Variants in NEK2 observed in about 807,000 individuals in gnomAD.
NEK2 encodes the protein serine/threonine-protein kinase Nek2.
Under a neutral mutation model 54.1 loss-of-function variants are expected in NEK2, and 28 were observed. The observed-to-expected ratio is 0.52, with a 90% CI of 0.38 to 0.71. The LOEUF (loss-of-function observed/expected upper bound fraction) is 0.71. Ranked by LOEUF, NEK2 falls within the 30% of genes least tolerant of loss-of-function variation. NEK2 has a pLI of 0.00. For missense variants in NEK2, 407 were observed against 531.5 expected, an observed-to-expected ratio of 0.77 and a Z score of 2.30; for synonymous variants, 176 against 193.1, an observed-to-expected ratio of 0.91 and a Z score of 0.73.
intron 5 of NEK2, among the ~76,000 whole-genome samples, chr1:211,669,872 C>T (rs901193534): frequency 1.6e-4 from 25 of 152,282 alleles, no homozygotes; most frequent in African/African-American, 4.6e-4. Context: ...GTCCTCCGTC[C>T]GCCCTCCATC....
chr1:211,672,027 C>T (rs1387603118), intron 3 of NEK2, among the ~76,000 whole-genome samples: 1 of 152,214 alleles, frequency 6.6e-6, no homozygotes, highest in African/African-American at 2.4e-5. Context: ...GAATTTGATA[C>T]AGTGAGAAAA....
chr1:211,675,325 C>T, intron 1 of NEK2, 59 bp downstream of exon 1: 4 of 1,513,702 alleles, frequency 2.6e-6, no homozygotes, highest in Non-Finnish European at 3.7e-6. Context: ...GCGCAGGGCG[C>T]TCGCCCCGAG....
downstream of NEK2, chr1:211,660,607 G>T: frequency 1.6e-6 from 1 of 642,088 alleles, no homozygotes; most frequent in South Asian, 1.4e-5. Flanking sequence ...ATCAATGCCT[G>T]CCATATGCAT....
downstream of NEK2, chr1:211,660,185 TA>T: frequency 3.4e-6 from 1 of 293,034 alleles, no homozygotes; most frequent in Non-Finnish European, 6.9e-6. Flanking sequence ...TTGCAGTCTC[TA>T]GGTCACTTTT....
At chr1:211,668,666 T>C (rs1294627010) in intron 6 of NEK2, among the ~76,000 whole-genome samples, 1 of 152,056 alleles carries the variant, frequency 6.6e-6, no homozygotes, top group Admixed American at 6.6e-5. Context: ...CCTGAACATA[T>C]CTCATCTACA....
Position 211,667,166 on chromosome 1 carries a change from G to C in NEK2, c.1051C>G (p.Leu351Val), listed in dbSNP as rs774266098. 1.8e-5 allele frequency: 29 copies of C among 1,613,522 alleles called. No individual in the cohort carries two copies. The Admixed American group carries it at 4.2e-4, about 23-fold the overall frequency. The change falls in exon 7 of 8, where the codon CTG becomes GTG. Residue 351 changes from leucine (L) to valine (V), a missense_variant. Physicochemically the swap from Leu to Val is conservative, Grantham distance 32. Transcript: ENST00000366999. ...TTTAGCAAGCTGTAGTTCTTCAACAGATTTTCTGCTCTAGCCAGTTTGTCC... is the reference window on the plus strand; with the variant it reads ...TTTAGCAAGCTGTAGTTCTTCAACACATTTTCTGCTCTAGCCAGTTTGTCC... ...AEDKLARAEN[L>V]LKNYSLLKER...
intron 5 of NEK2, 25 bp from the exon 6 acceptor site, chr1:211,669,357 T>C (rs369381929): frequency 9.7e-5 from 154 of 1,588,676 alleles, no homozygotes; most frequent in Middle Eastern, 5.0e-4. Flanking sequence ...CTCAGTATTA[T>C]AGTCAGATTG....
At chr1:211,672,123 TATA>T (rs1655410272) in intron 3 of NEK2, among the ~76,000 whole-genome samples, 1 of 152,242 alleles carries the variant, frequency 6.6e-6, no homozygotes, top group South Asian at 2.1e-4. Context: ...TAACATAATT[TATA>T]AATATTTGGA....
At position 211,674,291 on chromosome 1, in the gene NEK2, C is replaced by T. The variant is rs1379627641; in HGVS notation, c.314+5G>A. On this transcript the variant is annotated splice_donor_5th_base_variant and intron_variant, in intron 2 of 7. Transcript: ENST00000366999. The stretch of plus-strand genomic sequence containing the variant: ...CAGCTTACATTTTTAAAAGATTATG[C>T]TTACCTTTCCTTGGTTCCCTTTGTA... 2.5e-6 allele frequency: 4 copies of T among 1,602,608 alleles called. No individual in the cohort carries two copies. The African/African-American group carries it at 5.4e-5, about 21-fold the overall frequency.
intron 5 of NEK2, chr1:211,669,659 C>T: frequency 3.3e-6 from 1 of 299,938 alleles, no homozygotes; most frequent in South Asian, 4.3e-5. Flanking sequence ...GAAGTACTGC[C>T]CTTGCATTTC....
Position 211,663,584 on chromosome 1 carries a change from T to C in NEK2, c.1180A>G (p.Ile394Val), listed in dbSNP as rs1481812262. ...CTCTCAGAATTCTCACTCCTCATGA[T>C]GTTCTCTTTACTTTCCCCACTGAAA... ...VHFSGESKEN[I>V]MRSENSESQL... The change falls in exon 8 of 8, where the codon ATC (isoleucine) becomes GTC (valine). Residue 394 changes from isoleucine (I) to valine (V), a missense_variant. By Grantham distance (29) the Ile-to-Val change is conservative (BLOSUM62 3). Transcript: ENST00000366999. 2 of 1,613,842 alleles carry C rather than the reference T, an allele frequency of 1.2e-6. No homozygotes were observed. Among genetic ancestry groups the C allele is most frequent in the Non-Finnish European group, 8.5e-7 (1 of 1,179,836 alleles).
In NEK2 at chr1:211,674,378, T is replaced by A. The variant is rs372274678; in HGVS notation, c.232A>T (p.Thr78Ser). 3 of 1,614,028 alleles carry A rather than the reference T, an allele frequency of 1.9e-6. No homozygotes were observed. In the African/African-American group the frequency reaches 4.0e-5, roughly 22 times the overall value. ...VRYYDRIIDR[T>S]NTTLYIVMEY... ...ATTACAATGTACAGTGTTGTATTGG[T>A]CCGGTCAATAATCCGATCATAGTAA... is the stretch of plus-strand genomic sequence containing the variant. The change falls in exon 2 of 8, where the codon ACC becomes TCC. Residue 78 changes from threonine (T) to serine (S), a missense_variant. Thr to Ser is a moderately conservative substitution (Grantham distance 58). Transcript: ENST00000366999.
At chr1:211,668,907 A>G (rs1655265230) in intron 6 of NEK2, among the ~76,000 whole-genome samples, 1 of 152,244 alleles carries the variant, frequency 6.6e-6, no homozygotes. Flanking sequence ...CTAGCAACTG[A>G]TCTCAGAGAA....
At chr1:211,672,399 T>C (rs1655419247) in intron 3 of NEK2, among the ~76,000 whole-genome samples, 1 of 152,196 alleles carries the variant, frequency 6.6e-6, no homozygotes, top group African/African-American at 2.4e-5. Context: ...TGGTGAAACA[T>C]GTTGGAAACA....
chr1:211,667,803 T>C (rs1478264490), intron 6 of NEK2, among the ~76,000 whole-genome samples: 6 of 152,162 alleles, frequency 3.9e-5, no homozygotes, highest in African/African-American at 1.4e-4. Context: ...CCCAACACTT[T>C]GGGAGGCCGA....
At chr1:211,663,725 A>C in intron 7 of NEK2, 73 bp from the exon 8 acceptor site, 3 of 1,402,334 alleles carry the variant, frequency 2.1e-6, no homozygotes, top group Non-Finnish European at 2.9e-6. Flanking sequence ...TATACTTATC[A>C]AAAAGTATTT....
Position 211,670,303 on chromosome 1 carries a change from A to G in NEK2, c.743T>C (p.Ile248Thr). The change falls in exon 5 of 8, where the codon ATT becomes ACT. Residue 248 changes from isoleucine to threonine, a missense_variant. By Grantham distance (89) the Ile-to-Thr change is moderately conservative. Transcript: ENST00000366999. ...TACCTTTAAGTTTAACATCCTCGTA[A>G]TAATTTCATTCAATTCATCAGAGTA... Reference protein sequence around the residue: ...YRYSDELNEIITRMLNLKDYH... With the variant: ...YRYSDELNEITTRMLNLKDYH... 6.2e-7 allele frequency: 1 copy of G among 1,610,664 alleles called. No homozygotes were observed. The highest frequency in any genetic ancestry group is 8.5e-7 in the Non-Finnish European group (1 of 1,178,758).
chr1:211,660,170 T>A (rs1654981531), downstream of NEK2: 1 of 248,096 alleles, frequency 4.0e-6, no homozygotes, highest in African/African-American at 2.2e-5. Context: ...CTCCTCTCCC[T>A]GCCCTTGCAG....
At chr1:211,658,608 A>G, downstream of NEK2, 1 of 448,166 alleles carries the variant, frequency 2.2e-6, no homozygotes, top group Non-Finnish European at 4.5e-6. Flanking sequence ...GTGAGACTCC[A>G]TCACAGGAGG....
Sources: gnomAD v4.1 joint callset for allele counts (sites outside exome capture counted in the v4.1 genomes callset) on GRCh38, gnomAD v4.1.1 for gene constraint, MANE v1.5 for transcripts, NCBI Gene and HGNC (gene_info 2026-07-23, HGNC 2026-07-21) for gene names.